ME3: variants seen among roughly 807,000 people sequenced by gnomAD.
ME3 encodes the protein malic enzyme 3.
A neutral mutation model predicts 68.9 loss-of-function variants in ME3; 48 were observed. The observed-to-expected ratio is 0.70, with a 90% CI of 0.55 to 0.89. The LOEUF (loss-of-function observed/expected upper bound fraction) is 0.89, where lower values mean the gene tolerates loss of function less well. Ranked by LOEUF, ME3 falls within the 40% of genes least tolerant of loss-of-function variation. ME3 has a pLI of 0.00. For missense variants in ME3, 675 were observed against 797.4 expected (o/e 0.85, Z 1.85); for synonymous variants, 320 against 318.8 (o/e 1.00, Z -0.04).
At chr11:86,557,550 A>G (rs188324826) in intron 3 of ME3, among the ~76,000 whole-genome samples, 1 of 152,280 alleles carries the variant, frequency 6.6e-6, no homozygotes, top group East Asian at 1.9e-4. Context: ...TCAGGATCCT[A>G]TGTTTGAATC....
the ME3 span, chr11:86,435,385 G>C: frequency 6.6e-6 from 1 of 152,184 alleles, no homozygotes. Context: ...AAGCAATAAG[G>C]ACTAGGTGAA....
At chr11:86,469,120 A>T (rs911006828) in intron 7 of ME3, among the ~76,000 whole-genome samples, 2 of 152,216 alleles carry the variant, frequency 1.3e-5, no homozygotes, top group African/African-American at 4.8e-5. Context: ...GGGAAAGATC[A>T]TAGGTATGGT....
intron 2 of ME3, among the ~76,000 whole-genome samples, chr11:86,623,742 TCA>T (rs1943488480): frequency 2.0e-5 from 3 of 152,238 alleles, no homozygotes; most frequent in Non-Finnish European, 2.9e-5. Flanking sequence ...AACCAGTATT[TCA>T]CAGTTACCTC....
At chr11:86,606,770 G>A (rs1961722158) in intron 2 of ME3, among the ~76,000 whole-genome samples, 2 of 152,180 alleles carry the variant, frequency 1.3e-5, no homozygotes, top group African/African-American at 4.8e-5. Context: ...TGGTTGATTG[G>A]TATTGATTTA....
At chr11:86,549,080 C>G (rs1049309020) in intron 4 of ME3, among the ~76,000 whole-genome samples, 1 of 152,250 alleles carries the variant, frequency 6.6e-6, no homozygotes, top group African/African-American at 2.4e-5. Flanking sequence ...TTAATGCTCA[C>G]TAAAGTTGAG....
chr11:86,594,028 G>A (rs1009167960), intron 2 of ME3, among the ~76,000 whole-genome samples: 9 of 146,014 alleles, frequency 6.2e-5, no homozygotes, highest in Non-Finnish European at 1.2e-4. Flanking sequence ...AATAAGCACC[G>A]ACTAGGTACT....
chr11:86,455,562 C>T (rs1286063740), intron 8 of ME3, among the ~76,000 whole-genome samples: 2 of 152,110 alleles, frequency 1.3e-5, no homozygotes, highest in African/African-American at 4.8e-5. Flanking sequence ...CAGTGCCTCC[C>T]CGTGTACTCC....
chr11:86,561,204 G>C (rs1957215198), intron 2 of ME3, among the ~76,000 whole-genome samples: 1 of 152,022 alleles, frequency 6.6e-6, no homozygotes, highest in South Asian at 2.1e-4. Flanking sequence ...GTAGTGGGTT[G>C]GTTGTTTTTT....
chr11:86,617,486 A>G (rs1227128511), intron 2 of ME3, among the ~76,000 whole-genome samples: 1 of 152,080 alleles, frequency 6.6e-6, no homozygotes, highest in African/African-American at 2.4e-5. Context: ...CTATGTAGTT[A>G]TTTTAGGTCA....
intron 4 of ME3, among the ~76,000 whole-genome samples, chr11:86,517,767 C>G (rs969730341): frequency 6.6e-6 from 1 of 152,100 alleles, no homozygotes; most frequent in Non-Finnish European, 1.5e-5. Context: ...CTCATGTTCC[C>G]TGAGGGCAGG....
intron 4 of ME3, among the ~76,000 whole-genome samples, chr11:86,512,521 G>A (rs1230680420): frequency 6.6e-6 from 1 of 152,242 alleles, no homozygotes; most frequent in Admixed American, 6.5e-5. Context: ...AGATGATAAT[G>A]ATAGTTGAGG....
intron 4 of ME3, among the ~76,000 whole-genome samples, chr11:86,534,107 A>ATAT (rs1336103492): frequency 3.6e-5 from 5 of 139,156 alleles, no homozygotes; most frequent in African/African-American, 1.3e-4. Flanking sequence ...ATATATATAT[A>ATAT]TATGTAAAAT....
intron 2 of ME3, among the ~76,000 whole-genome samples, chr11:86,658,430 T>C (rs1038300629): frequency 1.3e-5 from 2 of 151,910 alleles, no homozygotes; most frequent in Non-Finnish European, 2.9e-5. Flanking sequence ...GCCTGCAATT[T>C]TTCCTCTGCT....
At chr11:86,546,638 ATGG>A (rs1489736914) in intron 4 of ME3, among the ~76,000 whole-genome samples, 1 of 152,236 alleles carries the variant, frequency 6.6e-6, no homozygotes, top group Non-Finnish European at 1.5e-5. Context: ...GCCAGTTAGA[ATGG>A]TGATCATTAA....
chr11:86,449,950 A>T (rs1594005379), exon 10 of ME3: 1 of 1,614,062 alleles, frequency 6.2e-7, no homozygotes, highest in Middle Eastern at 1.6e-4. Flanking sequence ...TGCCTTCGGT[A>T]CACCTTCTTT....
At chr11:86,573,941 T>C (rs1175861596) in intron 2 of ME3, among the ~76,000 whole-genome samples, 1 of 152,206 alleles carries the variant, frequency 6.6e-6, no homozygotes, top group Non-Finnish European at 1.5e-5. Flanking sequence ...GTTTATTGAT[T>C]TATGTATGTT....
intron 5 of ME3, among the ~76,000 whole-genome samples, chr11:86,499,875 T>C (rs1341577745): frequency 2.0e-5 from 3 of 152,212 alleles, no homozygotes; most frequent in African/African-American, 7.2e-5. Flanking sequence ...TCCATATATT[T>C]GTTAAGTGTC....
At chr11:86,460,403 A>G (rs991104903) in intron 8 of ME3, among the ~76,000 whole-genome samples, 3 of 152,154 alleles carry the variant, frequency 2.0e-5, no homozygotes, top group South Asian at 2.1e-4. Context: ...CAGTCAAATA[A>G]TGTGCCCTAG....
intron 6 of ME3, among the ~76,000 whole-genome samples, chr11:86,495,777 C>T (rs1283746433): frequency 2.6e-5 from 4 of 152,088 alleles, no homozygotes; most frequent in African/African-American, 9.7e-5. Context: ...ACATGGAGAC[C>T]AGGTGGTTTT....
Sources: allele counts gnomAD v4.1 joint callset (sites outside exome capture counted in the v4.1 genomes callset), GRCh38; gene constraint gnomAD v4.1.1; transcripts MANE v1.5; gene names NCBI Gene and HGNC (gene_info 2026-07-23, HGNC 2026-07-21).